DHX29: variants seen among roughly 807,000 people sequenced by gnomAD.
DHX29 encodes the protein DExH-box helicase 29.
A neutral mutation model predicts 167.9 loss-of-function variants in DHX29; 79 were observed. That is an observed-to-expected ratio of 0.47 (90% CI 0.39 to 0.57). The LOEUF is 0.57. Ranked by LOEUF, DHX29 falls within the 20% of genes least tolerant of loss-of-function variation. The probability of loss-of-function intolerance (pLI) is 0.00; values close to 1 mark genes in which losing one functional copy is unlikely to be tolerated. For missense variants in DHX29, 1,347 were observed against 1,593.4 expected (o/e 0.85, Z 2.63); for synonymous variants, 530 against 546.0 (o/e 0.97, Z 0.41).
intron 3 of DHX29, 47 bp from the exon 4 acceptor site, chr5:55,296,396 T>G: frequency 3.2e-6 from 5 of 1,575,002 alleles, no homozygotes; most frequent in Non-Finnish European, 4.3e-6. Flanking sequence ...AAAGTTCCCT[T>G]CCTGTGTTAC....
At position 55,277,143 on chromosome 5, in the gene DHX29, G is replaced by C. The variant is rs1747153958; in HGVS notation, c.2249C>G (p.Pro750Arg). Residue 750 changes from proline to arginine, a missense_variant, in exon 13 of 27, where the codon CCC (proline) becomes CGC (arginine). Around this residue, in one of 3 missense-constraint regions of DHX29, gnomAD observed 882 missense variants for 1,082.4 expected, o/e 0.81. Transcript: ENST00000251636. ...ACTTCTTCCTGAAATTCTGAGAATGGGGCAGTGTGTGAAATATGTAGAAAA... is the reference window on the plus strand; with the variant it reads ...ACTTCTTCCTGAAATTCTGAGAATGCGGCAGTGTGTGAAATATGTAGAAAA... ...EKFSTYFTHC[P>R]ILRISGRSYP... 1.9e-6 allele frequency: 3 copies of C among 1,612,616 alleles called. No individual in the cohort carries two copies. The highest frequency in any genetic ancestry group is 2.5e-6 in the Non-Finnish European group (3 of 1,179,196).
Position 55,307,663 on chromosome 5 carries a change from G to C in DHX29, c.-90C>G, listed in dbSNP as rs1191696185. On this transcript the variant is annotated 5_prime_UTR_variant, in exon 1 of 27. Coordinates refer to ENST00000251636, the MANE Select transcript of DHX29 (RefSeq NM_019030.4). Reference sequence around the variant, plus strand: ...GCTCTTCACATTCCCCGGCTCCGGGGCTGCCACCCTGCGCTTCGATCCGGG... The same window carrying C: ...GCTCTTCACATTCCCCGGCTCCGGGCCTGCCACCCTGCGCTTCGATCCGGG... The C allele has an allele frequency of 1.3e-6, 2 of 1,506,450 alleles. No homozygotes were observed. Among genetic ancestry groups the C allele is most frequent in the Non-Finnish European group, 1.8e-6 (2 of 1,112,552 alleles). 93.3% of individuals were successfully genotyped at this position (1,506,450 alleles called of 1,614,324 possible). A position where few individuals can be genotyped will look rare whatever the true frequency, so the allele number is the denominator to read the frequency against.
At chr5:55,263,473 G>T (rs1450320628) in intron 23 of DHX29, among the ~76,000 whole-genome samples, 2 of 151,968 alleles carry the variant, frequency 1.3e-5, no homozygotes, top group Non-Finnish European at 2.9e-5. Flanking sequence ...GCACAGGAAG[G>T]GTGGGCATTT....
intron 1 of DHX29, among the ~76,000 whole-genome samples, chr5:55,305,298 T>G (rs1260310379): frequency 6.6e-6 from 1 of 152,194 alleles, no homozygotes; most frequent in Non-Finnish European, 1.5e-5. Flanking sequence ...TTTTAAGGTT[T>G]TGGTAGATGA....
rs767483463 is a variant in DHX29 at position 55,273,337 on chromosome 5, C to T, written c.2731G>A (p.Asp911Asn). The change falls in exon 17 of 27, where the codon GAT becomes AAT. Residue 911 changes from aspartate to asparagine, a missense_variant. By Grantham distance (23) the Asp-to-Asn change is conservative. Coordinates refer to ENST00000251636, the MANE Select transcript of DHX29 (RefSeq NM_019030.4). ...IALHSILSTQ[D>N]QAAAFTLPPP... ...GGAAGTGTGAATGCTGCAGCTTGAT[C>T]TTGGGTTGAAAGAATAGAATGCAGA... 6.3e-7 allele frequency: 1 copy of T among 1,594,596 alleles called. No homozygotes were observed. The highest frequency in any genetic ancestry group is 8.6e-7 in the Non-Finnish European group (1 of 1,167,466).
intron 18 of DHX29, among the ~76,000 whole-genome samples, chr5:55,271,754 T>C (rs1334670036): frequency 6.6e-6 from 1 of 152,256 alleles, no homozygotes; most frequent in Non-Finnish European, 1.5e-5. Context: ...GCCATGTTTC[T>C]TTTTTAAATA....
In DHX29 at chr5:55,290,334, T is replaced by C; in HGVS notation, c.791A>G (p.Tyr264Cys). Residue 264 changes from tyrosine (Y) to cysteine (C), a missense_variant, in exon 7 of 27, where the codon TAC (tyrosine) becomes TGC (cysteine). By Grantham distance (194) the Tyr-to-Cys change is radical. Transcript: ENST00000251636. Reference protein sequence around the residue: ...EEEKFDPNERYLHLAAKLLDA... With the variant: ...EEEKFDPNERCLHLAAKLLDA... Reference sequence around the variant, plus strand: ...CAGCAGTTTTGCTGCAAGATGTAAGTACCTTTCATTCTGTTCCAAATAAAA... The same window carrying C: ...CAGCAGTTTTGCTGCAAGATGTAAGCACCTTTCATTCTGTTCCAAATAAAA... The C allele has an allele frequency of 2.5e-6, 4 of 1,605,424 alleles. No homozygotes were observed. The highest frequency in any genetic ancestry group is 2.5e-6 in the Non-Finnish European group (3 of 1,178,006).
At chr5:55,272,940 A>G (rs1746924864) in intron 17 of DHX29, among the ~76,000 whole-genome samples, 1 of 152,196 alleles carries the variant, frequency 6.6e-6, no homozygotes, top group Non-Finnish European at 1.5e-5. Flanking sequence ...AGATCTGCCT[A>G]GAGAACAACA....
intron 25 of DHX29, among the ~76,000 whole-genome samples, chr5:55,260,866 T>C (rs963691968): frequency 5.9e-5 from 9 of 152,252 alleles, no homozygotes; most frequent in African/African-American, 2.2e-4. Flanking sequence ...AATTCAACAG[T>C]ATGAATTATA....
chr5:55,294,433 G>A (rs189490178), intron 5 of DHX29, among the ~76,000 whole-genome samples: 257 of 152,316 alleles, frequency 1.7e-3, no homozygotes, highest in Middle Eastern at 3.4e-3. Flanking sequence ...CCAGCACTTC[G>A]GGAGGCCAAA....
chr5:55,283,489 G>C lies in DHX29; in HGVS notation c.1679C>G (p.Pro560Arg). 1 of 1,614,156 alleles carries C rather than the reference G, an allele frequency of 6.2e-7. No homozygotes were observed. Among genetic ancestry groups the C allele is most frequent in the Non-Finnish European group, 8.5e-7 (1 of 1,180,030 alleles). The change falls in exon 11 of 27, where the codon CCT becomes CGT. Residue 560 changes from proline to arginine, a missense_variant. Around this residue, in one of 3 missense-constraint regions of DHX29, gnomAD observed 882 missense variants for 1,082.4 expected, o/e 0.81. Transcript: ENST00000251636. ...TTCCTTTAGAAGTTTCTGATACTTA[G>C]GTGTGCTTTGCAACTTTCTAAAGAG... ...RNLFRKLQST[P>R]KYQKLLKERQ...
intron 8 of DHX29, among the ~76,000 whole-genome samples, chr5:55,288,477 A>G (rs1415902198): frequency 6.6e-6 from 1 of 151,286 alleles, no homozygotes; most frequent in Non-Finnish European, 1.5e-5. Flanking sequence ...TAACTAAAAC[A>G]CTTCCATAGT....
At chr5:55,285,072 C>T (rs1747645979) in intron 10 of DHX29, among the ~76,000 whole-genome samples, 4 of 152,160 alleles carry the variant, frequency 2.6e-5, no homozygotes. Flanking sequence ...TTTAGCATAG[C>T]TAAATTAGCA....
intron 3 of DHX29, among the ~76,000 whole-genome samples, chr5:55,296,935 T>C (rs1162134506): frequency 6.6e-6 from 1 of 152,226 alleles, no homozygotes; most frequent in Non-Finnish European, 1.5e-5. Flanking sequence ...ATTTATGGCA[T>C]CTTTGCAAGC....
At position 55,289,281 on chromosome 5, in the gene DHX29, T is replaced by C. The variant is rs1240604929; in HGVS notation, c.1055A>G (p.Glu352Gly). ...NLFEKSAAAT[E>G]EEKDKKKEPH... is the part of the protein sequence containing the mutation. ...TCCCTTAATTTTACCTTTCTCTTCT[T>C]CAGTAGCAGCTGCAGATTTTTCAAA... Residue 352 changes from glutamate to glycine, a missense_variant, in exon 8 of 27, where the codon GAA (glutamate) becomes GGA (glycine). Transcript: ENST00000251636. 2 of 1,569,160 alleles carry C rather than the reference T, an allele frequency of 1.3e-6. No individual in the cohort carries two copies. Among genetic ancestry groups the C allele is most frequent in the East Asian group, 2.3e-5 (1 of 43,544 alleles).
At chr5:55,300,712 C>A (rs552394090) in intron 1 of DHX29, among the ~76,000 whole-genome samples, 61 of 152,200 alleles carry the variant, frequency 4.0e-4, no homozygotes, top group African/African-American at 1.3e-3. Flanking sequence ...TAAAAATAAA[C>A]CTGTTCCATT....
At chr5:55,296,137 G>T in intron 4 of DHX29, 83 bp downstream of exon 4, 1 of 1,363,210 alleles carries the variant, frequency 7.3e-7, no homozygotes, top group Non-Finnish European at 9.8e-7. Context: ...GAAAAAATAT[G>T]AGTATGAGCC....
rs114083440 is a variant in DHX29, at chr5:55,301,004, T to C, written c.188-2340A>G. 3.0e-3 allele frequency among the ~76,000 whole-genome samples: 461 copies of C among 152,284 alleles called. 1 individual carries two copies. Among genetic ancestry groups the C allele is most frequent in the African/African-American group, 0.011 (447 of 41,554 alleles). On this transcript the variant is annotated intron_variant, in intron 1 of 26. Coordinates refer to ENST00000251636, the MANE Select transcript of DHX29 (RefSeq NM_019030.4). ...TCTTGCTATATGTTCACATGGCTTTTTTCTCTGTGCTTACTCAGAGAAACT... is the reference window on the plus strand; with the variant it reads ...TCTTGCTATATGTTCACATGGCTTTCTTCTCTGTGCTTACTCAGAGAAACT...
At chr5:55,299,848 T>A (rs1410214140) in intron 1 of DHX29, among the ~76,000 whole-genome samples, 2 of 152,170 alleles carry the variant, frequency 1.3e-5, no homozygotes, top group Non-Finnish European at 2.9e-5. Context: ...CTCAACCCAC[T>A]ACAGTTGCCA....
Sources: gnomAD v4.1 joint callset for allele counts (sites outside exome capture counted in the v4.1 genomes callset) on GRCh38, gnomAD v4.1.1 for gene constraint, gnomAD v4.1.1 regional missense constraint, MANE v1.5 for transcripts, NCBI Gene and HGNC (gene_info 2026-07-23, HGNC 2026-07-21) for gene names.